Variants in PARVB observed in about 807,000 individuals in gnomAD.
The protein encoded by PARVB is beta-parvin.
A neutral mutation model predicts 47.0 loss-of-function variants in PARVB; 46 were observed. That is an observed-to-expected ratio of 0.98 (90% CI 0.77 to 1.25). The LOEUF is 1.25. Among genes scored for constraint, PARVB ranks in the 50% most tolerant of loss-of-function variants. PARVB has a pLI of 0.00. For missense variants in PARVB, 473 were observed against 471.6 expected, an observed-to-expected ratio of 1.00 and a Z score of -0.03; for synonymous variants, 196 against 196.3, an observed-to-expected ratio of 1.00 and a Z score of 0.01.
intron 10 of PARVB, among the ~76,000 whole-genome samples, chr22:44,156,252 T>C (rs1026472971): frequency 4.6e-5 from 7 of 151,364 alleles, no homozygotes. Context: ...CTTCTGATAT[T>C]GGATGTTTGT....
intron 8 of PARVB, chr22:44,141,640 A>G (rs2053553675): frequency 6.6e-6 from 1 of 152,244 alleles, no homozygotes; most frequent in Admixed American, 6.5e-5. Flanking sequence ...CTTCAATCCA[A>G]TCAAGCTGAC....
At chr22:44,133,491 G>A (rs1601657550) in intron 6 of PARVB, among the ~76,000 whole-genome samples, 1 of 152,196 alleles carries the variant, frequency 6.6e-6, no homozygotes, top group African/African-American at 2.4e-5. Flanking sequence ...CTAACAGAGG[G>A]TGAAGTAGAG....
chr22:44,154,571 GGT>G lies in PARVB; in HGVS notation c.843+3034_843+3035del, dbSNP rs143980386. On this transcript the variant is annotated intron_variant, in intron 10 of 12. Coordinates refer to ENST00000338758, the MANE Select transcript of PARVB (RefSeq NM_013327.5). ...TGTGTGTGTGTGGTTTATGTAGTCT[GGT>G]GTGTGTGTGTGTGGTTTATGTAGTC... is the stretch of plus-strand genomic sequence containing the variant. Among the ~76,000 whole-genome samples, 16 of 142,026 alleles carry G rather than the reference GGT, an allele frequency of 1.1e-4. No individual in the cohort carries two copies. In the East Asian group the frequency reaches 2.0e-3, roughly 17 times the overall value. 93.2% of individuals were successfully genotyped at this position (142,026 alleles called of 152,430 possible).
intron 11 of PARVB, 40 bp from the exon 12 acceptor site, chr22:44,163,818 T>C (rs750777517): frequency 6.5e-7 from 1 of 1,538,606 alleles, no homozygotes; most frequent in South Asian, 1.2e-5. Flanking sequence ...TGGGAACGAC[T>C]GTTGGACCCT....
At chr22:44,157,902 A>C in intron 10 of PARVB, 80 bp from the exon 11 acceptor site, 1 of 978,892 alleles carries the variant, frequency 1.0e-6, no homozygotes, top group East Asian at 2.4e-5. Flanking sequence ...CAGAAGAAAA[A>C]ATATGCCCCC....
At chr22:44,051,811 C>A (rs1196826738) in intron 1 of PARVB, among the ~76,000 whole-genome samples, 1 of 152,184 alleles carries the variant, frequency 6.6e-6, no homozygotes, top group Non-Finnish European at 1.5e-5. Flanking sequence ...AAGACGAGGC[C>A]TGTCTGAAGT....
rs2147205536 is a variant in PARVB, at chr22:44,171,809, G to A, written c.*3131G>A. The A allele has an allele frequency of 6.9e-6, 1 of 145,074 alleles. No individual in the cohort carries two copies. The highest frequency in any genetic ancestry group is 3.5e-3 in the Middle Eastern group (1 of 286). 9.0% of individuals were successfully genotyped at this position (145,074 alleles called of 1,614,324 possible). On this transcript the variant is annotated 3_prime_UTR_variant, in exon 13 of 13. Transcript: ENST00000338758. ...CTTAAAGGCGATGTTTCCAGCAAAG[G>A]ATGTGATTTTTTTTTTTTTTTTTTT... is the stretch of plus-strand genomic sequence containing the variant.
intron 1 of PARVB, among the ~76,000 whole-genome samples, chr22:44,036,449 A>G (rs1016373093): frequency 6.6e-6 from 1 of 152,136 alleles, no homozygotes; most frequent in Non-Finnish European, 1.5e-5. Flanking sequence ...CATATATTTT[A>G]TGCATTTGTC....
intron 2 of PARVB, among the ~76,000 whole-genome samples, chr22:44,005,008 T>C (rs2050449742): frequency 6.6e-6 from 1 of 152,226 alleles, no homozygotes; most frequent in Non-Finnish European, 1.5e-5. Flanking sequence ...GACCTGCTTA[T>C]GAGCCTTGAA....
intron 10 of PARVB, chr22:44,153,740 G>T (rs760988): frequency 0.085 from 13,011 of 152,270 alleles, 798 homozygotes; most frequent in South Asian, 0.28. Flanking sequence ...AAGTGTGTGT[G>T]TGTGTTTCTA....
chr22:44,129,620 G>A (rs41377744), intron 4 of PARVB, among the ~76,000 whole-genome samples: 10,092 of 152,238 alleles, frequency 0.066, 602 homozygotes, highest in South Asian at 0.25. Flanking sequence ...ACACCTGTGG[G>A]ACCTACTTGC....
chr22:44,023,300 C>G (rs2050672766), upstream of PARVB, among the ~76,000 whole-genome samples: 1 of 151,756 alleles, frequency 6.6e-6, no homozygotes, highest in Admixed American at 6.6e-5. Context: ...CACCTGAGGT[C>G]AGGGGTTCGA....
Position 44,074,231 on chromosome 22 carries a change from G to A in PARVB, c.113-19697G>A, listed in dbSNP as rs915571307. The stretch of plus-strand genomic sequence containing the variant: ...ACGGGGGCATGGGCAGAAGCCTGTC[G>A]TGCCAGTGAGCCCTGGCATTTCTGA... On this transcript the variant is annotated intron_variant, in intron 1 of 12. Transcript: ENST00000338758. 5.3e-5 allele frequency among the ~76,000 whole-genome samples: 8 copies of A among 152,300 alleles called. No individual in the cohort carries two copies. In the South Asian group the frequency reaches 8.3e-4, roughly 16 times the overall value.
chr22:44,057,985 T>C (rs1319968582), intron 1 of PARVB, among the ~76,000 whole-genome samples: 2 of 152,084 alleles, frequency 1.3e-5, no homozygotes, highest in Non-Finnish European at 2.9e-5. Context: ...CTGTCTGGGG[T>C]GTACCCTGGG....
chr22:44,086,459 G>T (rs1369331315), intron 1 of PARVB, among the ~76,000 whole-genome samples: 3 of 152,176 alleles, frequency 2.0e-5, no homozygotes, highest in Non-Finnish European at 4.4e-5. Flanking sequence ...ATTGGACTTG[G>T]AGTTCGTAAC....
chr22:44,133,136 G>A, intron 6 of PARVB, 127 bp downstream of exon 6: 2 of 573,812 alleles, frequency 3.5e-6, no homozygotes, highest in Non-Finnish European at 6.1e-6. Flanking sequence ...TTTCCCTTTT[G>A]ACAAAATGTG....
chr22:44,024,567 C>CG (rs1359260326), intron 1 of PARVB, 116 bp downstream of exon 1: 2 of 371,142 alleles, frequency 5.4e-6, no homozygotes, highest in Non-Finnish European at 7.9e-6. Context: ...GCCCGGCCCA[C>CG]GCGGCTGCGC....
intron 4 of PARVB, among the ~76,000 whole-genome samples, chr22:44,121,739 T>A (rs1489209939): frequency 6.6e-6 from 1 of 152,198 alleles, no homozygotes; most frequent in Non-Finnish European, 1.5e-5. Context: ...TATAGTTTTT[T>A]AAAAATTGTG....
Position 44,140,293 on chromosome 22 carries a change from A to G in PARVB, c.712+150A>G, listed in dbSNP as rs1601668027. On this transcript the variant is annotated intron_variant, in intron 8 of 12. Coordinates refer to ENST00000338758, the MANE Select transcript of PARVB (RefSeq NM_013327.5). ...TTCTGGAATCCTAGAGAAAGTGCAC[A>G]GCCCACCCCCACCTTTCTGTATAAT... 2.2e-5 allele frequency: 18 copies of G among 804,976 alleles called. No homozygotes were observed. In the East Asian group the frequency reaches 4.2e-4, roughly 19 times the overall value. The allele number at this position is 804,976 out of a possible 1,614,324, so 49.9% of individuals were successfully genotyped here. A position where few individuals can be genotyped will look rare whatever the true frequency, so the allele number is the denominator to read the frequency against.
Sources: allele counts gnomAD v4.1 joint callset (sites outside exome capture counted in the v4.1 genomes callset), GRCh38; gene constraint gnomAD v4.1.1; transcripts MANE v1.5; gene names NCBI Gene and HGNC (gene_info 2026-07-23, HGNC 2026-07-21).